The following AHI1 variants were observed in gnomAD, a reference collection of about 807,000 sequenced individuals.
AHI1 encodes the protein Abelson helper integration site 1.
AHI1 carries 123 observed loss-of-function variants against 149.3 expected under a neutral mutation model. The ratio of observed to expected loss-of-function variants is 0.82; its 90% CI spans 0.71 to 0.96. The LOEUF is 0.96. AHI1 is among the 40% of genes least tolerant of loss of function. The probability of loss-of-function intolerance (pLI) is 0.00; values close to 1 mark genes in which losing one functional copy is unlikely to be tolerated. For missense variants in AHI1, 1,439 were observed against 1,422.7 expected (o/e 1.01, Z -0.18); for synonymous variants, 475 against 459.8 (o/e 1.03, Z -0.42).
At chr6:135,462,409 T>C (rs1245350229) in intron 8 of AHI1, among the ~76,000 whole-genome samples, 1 of 152,018 alleles carries the variant, frequency 6.6e-6, no homozygotes, top group Non-Finnish European at 1.5e-5. Flanking sequence ...GGCTGACGAA[T>C]TGGGAGGATA....
intron 24 of AHI1, among the ~76,000 whole-genome samples, chr6:135,333,765 C>A (rs1001120085): frequency 5.3e-5 from 8 of 152,200 alleles, no homozygotes; most frequent in African/African-American, 1.7e-4. Flanking sequence ...GTGTAGGCCT[C>A]CAAGGTTTAA....
At chr6:135,338,232 G>A (rs1269717739) in intron 24 of AHI1, among the ~76,000 whole-genome samples, 3 of 150,788 alleles carry the variant, frequency 2.0e-5, no homozygotes, top group African/African-American at 4.9e-5. Context: ...CCTGGGAGGC[G>A]GAGGTTGCAG....
chr6:135,305,927 C>T (rs1212474821), intron 26 of AHI1, among the ~76,000 whole-genome samples: 1 of 152,204 alleles, frequency 6.6e-6, no homozygotes, highest in African/African-American at 2.4e-5. Context: ...CAAACAAATC[C>T]TCCCACCCAC....
chr6:135,433,809 G>T (rs1050548652), intron 15 of AHI1, among the ~76,000 whole-genome samples: 5 of 151,914 alleles, frequency 3.3e-5, no homozygotes, highest in African/African-American at 1.2e-4. Context: ...AGTAAAATAA[G>T]ATTAAAATAA....
At chr6:135,451,842 CTT>C (rs796268276) in intron 11 of AHI1, among the ~76,000 whole-genome samples, 1 of 142,784 alleles carries the variant, frequency 7.0e-6, no homozygotes. Flanking sequence ...GAGTTTTTTG[CTT>C]TTTTTTTTTA....
At position 135,438,395 on chromosome 6, in the gene AHI1, T is replaced by C; in HGVS notation, c.2016A>G (p.Ser672=). The C allele has an allele frequency of 1.3e-6, 2 of 1,577,044 alleles. No individual in the cohort carries two copies. Among genetic ancestry groups the C allele is most frequent in the Non-Finnish European group, 1.7e-6 (2 of 1,159,202 alleles). ...WSKDDHYILT[S]SSDGTARIWK... Reference sequence around the variant, plus strand: ...CTAACCTGGCAGTGCCATCAGATGATGAAGTAAGGATGTAGTGATCATCTT... The same window carrying C: ...CTAACCTGGCAGTGCCATCAGATGACGAAGTAAGGATGTAGTGATCATCTT... Residue 672 remains serine (S), a synonymous_variant, in exon 15 of 29, where the codon TCA becomes TCG. Coordinates refer to ENST00000265602, the MANE Select transcript of AHI1 (RefSeq NM_001134831.2).
chr6:135,327,050 G>T (rs1215627476), intron 24 of AHI1, among the ~76,000 whole-genome samples: 1 of 152,142 alleles, frequency 6.6e-6, no homozygotes, highest in Non-Finnish European at 1.5e-5. Flanking sequence ...TCCCATACAG[G>T]TTGCTGCAAA....
chr6:135,430,555 GTATAA>G (rs754547085), intron 17 of AHI1, among the ~76,000 whole-genome samples: 28 of 151,698 alleles, frequency 1.8e-4, no homozygotes, highest in Non-Finnish European at 3.0e-4. Context: ...GAAGAAAAAG[GTATAA>G]TATGTTAGGC....
intron 27 of AHI1, among the ~76,000 whole-genome samples, chr6:135,298,895 G>C (rs564386843): frequency 1.3e-5 from 2 of 151,982 alleles, no homozygotes; most frequent in Non-Finnish European, 2.9e-5. Context: ...TTTCATTTGC[G>C]TAATATTAAG....
chr6:135,361,281 AAAC>A (rs1314327269), intron 23 of AHI1, among the ~76,000 whole-genome samples: 4 of 152,206 alleles, frequency 2.6e-5, no homozygotes, highest in Non-Finnish European at 1.5e-5. Context: ...TATATGTTAT[AAAC>A]ACCACAATAT....
intron 11 of AHI1, among the ~76,000 whole-genome samples, chr6:135,449,900 A>T (rs886568945): frequency 1.3e-5 from 2 of 152,216 alleles, no homozygotes; most frequent in African/African-American, 4.8e-5. Context: ...GTAGCTACCA[A>T]AACAGTGTAA....
chr6:135,435,046 T>C (rs376091186), intron 15 of AHI1: 53 of 152,294 alleles, frequency 3.5e-4, no homozygotes, highest in African/African-American at 1.2e-3. Context: ...TCCTCAGGAA[T>C]AAAGAAGGAG....
At chr6:135,409,128 A>G (rs1411559714) in intron 21 of AHI1, among the ~76,000 whole-genome samples, 4 of 151,810 alleles carry the variant, frequency 2.6e-5, no homozygotes, top group Non-Finnish European at 4.4e-5. Flanking sequence ...AAGATTTACT[A>G]TTTTTCTTCA....
At chr6:135,402,517 A>G (rs1158119155) in intron 22 of AHI1, among the ~76,000 whole-genome samples, 1 of 152,136 alleles carries the variant, frequency 6.6e-6, no homozygotes, top group Non-Finnish European at 1.5e-5. Flanking sequence ...CTTGAACAAC[A>G]TGAGTTTGAA....
intron 14 of AHI1, among the ~76,000 whole-genome samples, chr6:135,440,197 A>G (rs1362739150): frequency 6.6e-6 from 1 of 152,068 alleles, no homozygotes; most frequent in African/African-American, 2.4e-5. Context: ...ACTATTTGAC[A>G]GTCTGGCCCT....
intron 20 of AHI1, among the ~76,000 whole-genome samples, chr6:135,421,358 T>C (rs1001517262): frequency 6.6e-6 from 1 of 152,156 alleles, no homozygotes; most frequent in African/African-American, 2.4e-5. Context: ...AAACGCAATA[T>C]CTATGAAGCA....
At chr6:135,387,581 T>G (rs551704758) in intron 23 of AHI1, among the ~76,000 whole-genome samples, 10 of 152,320 alleles carry the variant, frequency 6.6e-5, no homozygotes, top group African/African-American at 2.2e-4. Flanking sequence ...ACTTTCTTCT[T>G]GAAATTACTT....
chr6:135,363,814 G>A (rs1355231312), intron 23 of AHI1, among the ~76,000 whole-genome samples: 2 of 146,762 alleles, frequency 1.4e-5, no homozygotes, highest in East Asian at 2.1e-4. Context: ...CGGGCAGAGG[G>A]GCTCCTCACT....
intron 20 of AHI1, among the ~76,000 whole-genome samples, chr6:135,415,299 C>G (rs1441799210): frequency 6.6e-6 from 1 of 152,014 alleles, no homozygotes; most frequent in Non-Finnish European, 1.5e-5. Context: ...TTTATAGCAG[C>G]ATGATTTATA....
Sources: allele counts gnomAD v4.1 joint callset (sites outside exome capture counted in the v4.1 genomes callset), GRCh38; gene constraint gnomAD v4.1.1; transcripts MANE v1.5; gene names NCBI Gene and HGNC (gene_info 2026-07-23, HGNC 2026-07-21).